Variants in MTMR10 observed in about 807,000 individuals in gnomAD.
MTMR10 encodes the protein myotubularin related protein 10.
Under a neutral mutation model 88.1 loss-of-function variants are expected in MTMR10, and 56 were observed. The ratio of observed to expected loss-of-function variants is 0.64; its 90% confidence interval spans 0.51 to 0.79. The LOEUF is 0.79. Ranked by LOEUF, MTMR10 falls within the 30% of genes least tolerant of loss-of-function variation. The pLI is 0.00. For synonymous variants in MTMR10, 380 were observed against 340.9 expected, an observed-to-expected ratio of 1.11 and a Z score of -1.26; for missense variants, 883 against 924.7, an observed-to-expected ratio of 0.95 and a Z score of 0.58.
At chr15:30,989,031 A>G (rs1163713894) in intron 2 of MTMR10, among the ~76,000 whole-genome samples, 1 of 152,056 alleles carries the variant, frequency 6.6e-6, no homozygotes, top group Non-Finnish European at 1.5e-5. Flanking sequence ...TAAAAAATTA[A>G]AAAGCAAGCA....
At chr15:30,981,530 T>C (rs2030571671) in intron 2 of MTMR10, among the ~76,000 whole-genome samples, 1 of 152,234 alleles carries the variant, frequency 6.6e-6, no homozygotes, top group South Asian at 2.1e-4. Flanking sequence ...AGAGGCATAC[T>C]ACAAGACACT....
rs374757210 is a variant in MTMR10 at position 30,975,045 on chromosome 15, A to C, written c.259-42T>G. Reference sequence around the variant, plus strand: ...TGTTCATATTAATTCTTTTCCCAATAATCTCACAATGGTAGTATAAGCCTT... The same window carrying C: ...TGTTCATATTAATTCTTTTCCCAATCATCTCACAATGGTAGTATAAGCCTT... On this transcript the variant is annotated intron_variant, in intron 3 of 15. Coordinates refer to ENST00000435680, the MANE Select transcript of MTMR10 (RefSeq NM_017762.3). The C allele has an allele frequency of 8.8e-6, 12 of 1,365,226 alleles. No individual in the cohort carries two copies. In the East Asian group the frequency reaches 3.0e-4, roughly 34 times the overall value. 84.6% of individuals were successfully genotyped at this position (1,365,226 alleles called of 1,614,324 possible).
chr15:30,953,485 T>G (rs2063279447), intron 11 of MTMR10, 77 bp downstream of exon 11: 1 of 1,118,192 alleles, frequency 8.9e-7, no homozygotes, highest in Non-Finnish European at 1.3e-6. Context: ...CCCTCTGTGC[T>G]ATTTTTGTAC....
chr15:30,953,492 G>T (rs1372055316), intron 11 of MTMR10, 70 bp downstream of exon 11: 22 of 1,188,928 alleles, frequency 1.9e-5, no homozygotes, highest in Non-Finnish European at 2.1e-5. Context: ...TGCTATTTTT[G>T]TACCTCCAGT....
downstream of MTMR10, chr15:30,937,358 T>C: frequency 8.7e-7 from 1 of 1,142,864 alleles, no homozygotes; most frequent in Admixed American, 2.5e-5. Context: ...ATAAACCTGA[T>C]AGTTTGACTT....
chr15:30,974,658 T>A lies in MTMR10; in HGVS notation c.332-202A>T, dbSNP rs534278549. 2.0e-5 allele frequency among the ~76,000 whole-genome samples: 3 copies of A among 152,234 alleles called. No individual in the cohort carries two copies. The Middle Eastern group carries it at 0.01, about 518-fold the overall frequency. On this transcript the variant is annotated intron_variant, in intron 4 of 15. Transcript: ENST00000435680. Reference sequence around the variant, plus strand: ...TTGGAAGATATTTTAAATGATTATTTGCATAAAACCACCATCTAGACACAT... The same window carrying A: ...TTGGAAGATATTTTAAATGATTATTAGCATAAAACCACCATCTAGACACAT...
intron 11 of MTMR10, 65 bp from the exon 12 acceptor site, chr15:30,952,103 T>G: frequency 1.5e-6 from 2 of 1,317,544 alleles, no homozygotes; most frequent in Non-Finnish European, 2.2e-6. Context: ...ATAAAGTACT[T>G]GAAATCAAGC....
chr15:30,920,541 T>G, the MTMR10 span: 10 of 1,595,844 alleles, frequency 6.3e-6, no homozygotes, highest in Non-Finnish European at 8.6e-6. Flanking sequence ...TGTCTTCATT[T>G]TAGATGCCAC....
At chr15:30,928,566 A>C in the MTMR10 span, 3 of 1,605,280 alleles carry the variant, frequency 1.9e-6, no homozygotes, top group Non-Finnish European at 2.5e-6. Flanking sequence ...TTCATGGCGA[A>C]GGGTCCACCT....
At chr15:30,958,809 T>C (rs2063361046) in intron 9 of MTMR10, 54 bp downstream of exon 9, 1 of 1,560,186 alleles carries the variant, frequency 6.4e-7, no homozygotes, top group African/African-American at 1.4e-5. Flanking sequence ...GAACTCACTG[T>C]AGTTACACAA....
chr15:30,968,073 A>G, intron 5 of MTMR10, 63 bp from the exon 6 acceptor site: 1 of 1,230,352 alleles, frequency 8.1e-7, no homozygotes, highest in African/African-American at 1.5e-5. Flanking sequence ...AATGTACAAT[A>G]AGGCCTTGGG....
At chr15:30,991,255 T>C in intron 1 of MTMR10, 192 bp downstream of exon 1, 3 of 535,024 alleles carry the variant, frequency 5.6e-6, no homozygotes, top group Non-Finnish European at 9.3e-6. Flanking sequence ...AGAAGAGTTT[T>C]ACAAGTTTTC....
At chr15:30,928,426 A>G in the MTMR10 span, 1 of 1,506,594 alleles carries the variant, frequency 6.6e-7, no homozygotes, top group South Asian at 1.3e-5. Context: ...TTCTGAATCT[A>G]AAATATTTCT....
chr15:30,962,350 C>G (rs1389635068), intron 6 of MTMR10, among the ~76,000 whole-genome samples: 1 of 152,224 alleles, frequency 6.6e-6, no homozygotes, highest in South Asian at 2.1e-4. Flanking sequence ...CTGCAGGCTG[C>G]AACTGTGGCA....
chr15:30,946,733 C>T (rs757070771), intron 14 of MTMR10: 132 of 702,834 alleles, frequency 1.9e-4, no homozygotes, highest in Non-Finnish European at 3.1e-4. Flanking sequence ...ACTTCAAACT[C>T]GTGAAGGAAA....
intron 14 of MTMR10, 40 bp from the exon 15 acceptor site, chr15:30,943,112 T>C: frequency 3.3e-6 from 5 of 1,518,290 alleles, no homozygotes; most frequent in Non-Finnish European, 4.4e-6. Flanking sequence ...AACTAAAGAT[T>C]CTCTCATGAA....
chr15:30,925,728 C>T, the MTMR10 span: 1 of 1,583,144 alleles, frequency 6.3e-7, no homozygotes, highest in Non-Finnish European at 8.6e-7. Context: ...ATGCTACAGG[C>T]AGGTTTTCAG....
rs377687353 is a variant in MTMR10, at chr15:30,941,730, G to A, written c.2074C>T (p.Leu692=). 8.1e-5 allele frequency: 130 copies of A among 1,613,844 alleles called. No individual in the cohort carries two copies. The highest frequency in any genetic ancestry group is 1.1e-4 in the Non-Finnish European group (126 of 1,179,886). ...CGCTGTTGCCGCAGCATCCTGCTCA[G>A]TACGTCGACTTCATCAGCCAGGAGG... ...LSLLADEVDV[L]SRMLRQQRSG... Residue 692 remains leucine (L), a synonymous_variant, in exon 16 of 16, where the codon CTG becomes TTG. Transcript: ENST00000435680.
chr15:30,963,616 G>T (rs1457718251), intron 6 of MTMR10, among the ~76,000 whole-genome samples: 2 of 152,052 alleles, frequency 1.3e-5, no homozygotes, highest in Admixed American at 1.3e-4. Context: ...CAGCCTGAGC[G>T]ACACAGCGAG....
Sources: allele counts gnomAD v4.1 joint callset (sites outside exome capture counted in the v4.1 genomes callset), GRCh38; gene constraint gnomAD v4.1.1; transcripts MANE v1.5; gene names NCBI Gene and HGNC (gene_info 2026-07-23, HGNC 2026-07-21).